Variants in AXDND1 observed in about 807,000 individuals in gnomAD.
AXDND1 encodes axonemal dynein light chain domain-containing protein 1.
In AXDND1, 110 loss-of-function variants were observed where a neutral mutation model predicts 137.5. The observed-to-expected ratio is 0.80, with a 90% CI of 0.69 to 0.94. The LOEUF (loss-of-function observed/expected upper bound fraction) is 0.94, where lower values mean the gene tolerates loss of function less well. Among genes scored for constraint, AXDND1 ranks in the 40% least tolerant of loss-of-function variants. The pLI is 0.00. For synonymous variants in AXDND1, 414 were observed against 399.7 expected, an observed-to-expected ratio of 1.04 and a Z score of -0.43; for missense variants, 1,191 against 1,169.8, an observed-to-expected ratio of 1.02 and a Z score of -0.26.
rs766237906 is a variant in AXDND1, at chr1:179,534,993, A to G, written c.3031+31A>G. 11 of 1,606,494 alleles carry G rather than the reference A, an allele frequency of 6.8e-6. No homozygotes were observed. In the African/African-American group the frequency reaches 8.1e-5, roughly 12 times the overall value. The stretch of plus-strand genomic sequence containing the variant: ...GATTGCTTCGTATTTTGCTTTATTC[A>G]GGTTGTATTTATGAAAGAAAATTTG... On this transcript the variant is annotated intron_variant, in intron 25 of 25. Transcript: ENST00000367618.
chr1:179,372,038 A>G (rs1458430136), intron 4 of AXDND1, among the ~76,000 whole-genome samples: 1 of 152,226 alleles, frequency 6.6e-6, no homozygotes, highest in Non-Finnish European at 1.5e-5. Flanking sequence ...ACAGAGCAGT[A>G]AGATAATAAA....
chr1:179,455,297 A>AAGG (rs1558203987), intron 16 of AXDND1: 5 of 85,868 alleles, frequency 5.8e-5, no homozygotes, highest in African/African-American at 2.4e-4. Flanking sequence ...AAAAAAAGTA[A>AAGG]AAAAAAAAAA....
intron 25 of AXDND1, chr1:179,549,001 C>T (rs1672921117): frequency 6.6e-6 from 1 of 152,146 alleles, no homozygotes; most frequent in Non-Finnish European, 1.5e-5. Flanking sequence ...TAGAGTGTGC[C>T]ATAGACTTCT....
intron 18 of AXDND1, among the ~76,000 whole-genome samples, chr1:179,484,104 G>A (rs9787088): frequency 0.86 from 130,796 of 152,164 alleles, 56,405 homozygotes; most frequent in East Asian, 0.9. Flanking sequence ...CTGGTCCCCA[G>A]TGACTCTTGG....
chr1:179,403,054 T>G (rs938642695), intron 11 of AXDND1, among the ~76,000 whole-genome samples: 5 of 152,164 alleles, frequency 3.3e-5, no homozygotes, highest in African/African-American at 9.7e-5. Context: ...TACATATAAC[T>G]TTTGATGTCC....
In AXDND1 at chr1:179,385,258, A is replaced by G. The variant is rs781564646; in HGVS notation, c.762A>G (p.Ile254Met). The change falls in exon 9 of 26, where the codon ATA (isoleucine) becomes ATG (methionine). Residue 254 changes from isoleucine to methionine, a missense_variant. Coordinates refer to ENST00000367618, the MANE Select transcript of AXDND1 (RefSeq NM_144696.6). The stretch of plus-strand genomic sequence containing the variant: ...GACAGATGCACAAACTACTACATAT[A>G]TTGAAGAAGGAACAGACCATTTACA... Reference protein sequence around the residue: ...GPTKMHKLLHILKKEQTIYNM... With the variant: ...GPTKMHKLLHMLKKEQTIYNM... The G allele has an allele frequency of 1.9e-6, 3 of 1,610,426 alleles. No individual in the cohort carries two copies. Among genetic ancestry groups the G allele is most frequent in the African/African-American group, 2.7e-5 (2 of 74,820 alleles).
At chr1:179,470,834 T>C (rs545455527) in intron 17 of AXDND1, among the ~76,000 whole-genome samples, 9 of 152,184 alleles carry the variant, frequency 5.9e-5, no homozygotes, top group African/African-American at 2.2e-4. Flanking sequence ...CCTATTCTTA[T>C]GGGAAATGCA....
intron 16 of AXDND1, among the ~76,000 whole-genome samples, chr1:179,446,804 T>C (rs2125375616): frequency 6.6e-6 from 1 of 150,792 alleles, no homozygotes; most frequent in South Asian, 2.1e-4. Flanking sequence ...GGGTGGCTTT[T>C]CCATTTTCTT....
At position 179,445,531 on chromosome 1, in the gene AXDND1, G is replaced by A. The variant is rs893224913; in HGVS notation, c.1798+327G>A. 2.0e-4 allele frequency among the ~76,000 whole-genome samples: 30 copies of A among 152,042 alleles called. No homozygotes were observed. In the East Asian group the frequency reaches 3.9e-3, roughly 20 times the overall value. The stretch of plus-strand genomic sequence containing the variant: ...CTCTCACCCTCTTACCCCCAACATC[G>A]TCACTTCAGTCCTAAGTTTGCTTTC... On this transcript the variant is annotated intron_variant, in intron 16 of 25. Coordinates refer to ENST00000367618, the MANE Select transcript of AXDND1 (RefSeq NM_144696.6).
intron 6 of AXDND1, among the ~76,000 whole-genome samples, chr1:179,379,824 A>C (rs1272038660): frequency 6.6e-6 from 1 of 150,582 alleles, no homozygotes; most frequent in Non-Finnish European, 1.5e-5. Context: ...AAAAGAAAGA[A>C]TACCTGACAA....
At chr1:179,478,250 G>A (rs1664874077) in intron 17 of AXDND1, among the ~76,000 whole-genome samples, 1 of 152,222 alleles carries the variant, frequency 6.6e-6, no homozygotes, top group South Asian at 2.1e-4. Context: ...CACCAGTGGG[G>A]ACTCTGTGTG....
Position 179,378,630 on chromosome 1 carries a change from T to G in AXDND1, c.375-7T>G. On this transcript the variant is annotated splice_region_variant and splice_polypyrimidine_tract_variant and intron_variant, in intron 4 of 25. Transcript: ENST00000367618. ...TGTTTTGTAAATATATTTTTCTTAC[T>G]TTTTAGGGATATTTCTTTTCTGTAC... 6.4e-7 allele frequency: 1 copy of G among 1,568,490 alleles called. No individual in the cohort carries two copies. Among genetic ancestry groups the G allele is most frequent in the East Asian group, 2.3e-5 (1 of 43,216 alleles).
intron 21 of AXDND1, among the ~76,000 whole-genome samples, chr1:179,514,154 T>C (rs1669300873): frequency 6.6e-6 from 1 of 152,182 alleles, no homozygotes; most frequent in Non-Finnish European, 1.5e-5. Context: ...CCTTGAGGTG[T>C]GACCTTAGAA....
At chr1:179,448,877 C>CCATTTTG (rs1660108760) in intron 16 of AXDND1, 1 of 168,294 alleles carries the variant, frequency 5.9e-6, no homozygotes, top group Admixed American at 5.9e-5. Context: ...GGTATTTGAT[C>CCATTTTG]CATTTTGAGT....
At chr1:179,450,491 T>A (rs1402595951) in intron 16 of AXDND1, 1 of 152,198 alleles carries the variant, frequency 6.6e-6, no homozygotes, top group Non-Finnish European at 1.5e-5. Flanking sequence ...TTTTATCAGG[T>A]TTAGGAAATT....
rs142291859 is a variant in AXDND1, at chr1:179,501,724, C to T, written c.2389-7572C>T. On this transcript the variant is annotated intron_variant, in intron 20 of 25. Coordinates refer to ENST00000367618, the MANE Select transcript of AXDND1 (RefSeq NM_144696.6). ...GACTGTGTCTTAAAACAAAACAAAA[C>T]AAAACAACAACAAAAAAACTCAAAA... Among the ~76,000 whole-genome samples, 506 of 151,890 alleles carry T rather than the reference C, an allele frequency of 3.3e-3. 3 individuals carry two copies. The highest frequency in any genetic ancestry group is 6.8e-3 in the Middle Eastern group (2 of 294).
chr1:179,529,467 A>T (rs1231691749), intron 23 of AXDND1, among the ~76,000 whole-genome samples: 1 of 152,260 alleles, frequency 6.6e-6, no homozygotes, highest in Non-Finnish European at 1.5e-5. Flanking sequence ...AGCCTTCAGA[A>T]TGAAGATCCA....
At position 179,393,897 on chromosome 1, in the gene AXDND1, A is replaced by T; in HGVS notation, c.864-6A>T. On this transcript the variant is annotated splice_polypyrimidine_tract_variant and splice_region_variant and intron_variant, in intron 9 of 25. Coordinates refer to ENST00000367618, the MANE Select transcript of AXDND1 (RefSeq NM_144696.6). ...TCTAGGAGCTTTTTGGTTGTTTGTC[A>T]TGCAGAGAGAGGTATGTGCAAATGC... is the stretch of plus-strand genomic sequence containing the variant. The T allele has an allele frequency of 2.5e-6, 4 of 1,582,260 alleles. No homozygotes were observed. Among genetic ancestry groups the T allele is most frequent in the Non-Finnish European group, 3.4e-6 (4 of 1,169,258 alleles).
chr1:179,448,333 A>G (rs1571875705), intron 16 of AXDND1: 1 of 731,304 alleles, frequency 1.4e-6, no homozygotes, highest in Non-Finnish European at 2.5e-6. Flanking sequence ...CATAGAGCAC[A>G]CTAAGTTCAT....
Sources: allele counts gnomAD v4.1 joint callset (sites outside exome capture counted in the v4.1 genomes callset), GRCh38; gene constraint gnomAD v4.1.1; transcripts MANE v1.5; gene names NCBI Gene and HGNC (gene_info 2026-07-23, HGNC 2026-07-21).